The following DZIP1 variants were observed in gnomAD, a reference collection of about 807,000 sequenced individuals.
The protein encoded by DZIP1 is DAZ interacting zinc finger protein 1.
A neutral mutation model predicts 107.6 loss-of-function variants in DZIP1; 97 were observed. The observed-to-expected ratio is 0.90, with a 90% CI of 0.77 to 1.07. The LOEUF (loss-of-function observed/expected upper bound fraction) is 1.07, where lower values mean the gene tolerates loss of function less well. Among genes scored for constraint, DZIP1 ranks in the 50% least tolerant of loss-of-function variants. DZIP1 has a pLI of 0.00. For missense variants in DZIP1, 1,035 were observed against 1,063.6 expected (o/e 0.97, Z 0.37); for synonymous variants, 390 against 386.4 (o/e 1.01, Z -0.11).
chr13:95,642,276 G>A (rs1566443282), intron 3 of DZIP1, 35 bp from the exon 4 acceptor site: 1 of 461,604 alleles, frequency 2.2e-6, no homozygotes, highest in Non-Finnish European at 3.7e-6. Flanking sequence ...GGACGAGCCC[G>A]AGTGGACACA....
chr13:95,642,244 G>T lies in DZIP1; in HGVS notation c.-212-3C>A. On this transcript the variant is annotated splice_polypyrimidine_tract_variant and splice_region_variant and intron_variant, in intron 3 of 22. Coordinates refer to ENST00000376829, the MANE Select transcript of DZIP1 (RefSeq NM_198968.4). ...AGGGTCAGCGTGCACCCAGAACCCT[G>T]CGGGACCAGAGAAGACCTCTTGGAC... 1 of 546,820 alleles carries T rather than the reference G, an allele frequency of 1.8e-6. No individual in the cohort carries two copies. Among genetic ancestry groups the T allele is most frequent in the East Asian group, 3.5e-5 (1 of 28,404 alleles). The allele number at this position is 546,820 out of a possible 1,614,324, so 33.9% of individuals were successfully genotyped here.
chr13:95,601,429 C>CA (rs1361825965), intron 14 of DZIP1, among the ~76,000 whole-genome samples: 1 of 151,992 alleles, frequency 6.6e-6, no homozygotes, highest in Non-Finnish European at 1.5e-5. Flanking sequence ...GGGAGGCTTT[C>CA]AAAAAAATCC....
At chr13:95,639,366 G>A (rs1878204442) in intron 5 of DZIP1, among the ~76,000 whole-genome samples, 2 of 152,070 alleles carry the variant, frequency 1.3e-5, no homozygotes, top group Admixed American at 1.3e-4. Flanking sequence ...TGAGGTGGGT[G>A]GATCACTTGA....
At chr13:95,627,861 G>C (rs1876727565) in intron 7 of DZIP1, among the ~76,000 whole-genome samples, 1 of 152,090 alleles carries the variant, frequency 6.6e-6, no homozygotes, top group Non-Finnish European at 1.5e-5. Flanking sequence ...TTATTCATTA[G>C]AGCCAAAAGG....
intron 7 of DZIP1, among the ~76,000 whole-genome samples, 185 bp downstream of exon 7, chr13:95,629,803 TA>T (rs1313659811): frequency 1.3e-5 from 2 of 152,164 alleles, no homozygotes; most frequent in Non-Finnish European, 2.9e-5. Flanking sequence ...TTTCAAAAAA[TA>T]GAGAAATATA....
chr13:95,584,668 T>C (rs531756666), intron 22 of DZIP1, 68 bp downstream of exon 22: 292 of 1,534,318 alleles, frequency 1.9e-4, no homozygotes, highest in Non-Finnish European at 2.5e-4. Flanking sequence ...TAATTAGATA[T>C]TTATAAAGAT....
rs1223809252 is a variant in DZIP1, at chr13:95,580,336, C to CAAAAAAAAAAAAAAAAAAAAA, written c.*1897_*1898insTTTTTTTTTTTTTTTTTTTTT. 1 of 57,058 alleles carries CAAAAAAAAAAAAAAAAAAAAA rather than the reference C, an allele frequency of 1.8e-5. No individual in the cohort carries two copies. Among genetic ancestry groups the CAAAAAAAAAAAAAAAAAAAAA allele is most frequent in the Non-Finnish European group, 3.9e-5 (1 of 25,614 alleles). 3.5% of individuals were successfully genotyped at this position (57,058 alleles called of 1,614,324 possible). A position where few individuals can be genotyped will look rare whatever the true frequency, so the allele number is the denominator to read the frequency against. ...TGGGCAACATAGTGAGACTCTGTCT[C>CAAAAAAAAAAAAAAAAAAAAA]AAAAAAAAAAAAAAAAAAAGATACA... On this transcript the variant is annotated 3_prime_UTR_variant, in exon 23 of 23. Coordinates refer to ENST00000376829, the MANE Select transcript of DZIP1 (RefSeq NM_198968.4).
rs778683453 is a variant in DZIP1 at position 95,580,719 on chromosome 13, A to T, written c.*1515T>A. Reference sequence around the variant, plus strand: ...TGCTGAATAAATAAATGAATGAACAAAGTGGCACATGGGCCATCTTAGGCT... The same window carrying T: ...TGCTGAATAAATAAATGAATGAACATAGTGGCACATGGGCCATCTTAGGCT... On this transcript the variant is annotated 3_prime_UTR_variant, in exon 23 of 23. Transcript: ENST00000376829. 6.6e-6 allele frequency: 1 copy of T among 152,228 alleles called. No individual in the cohort carries two copies. The highest frequency in any genetic ancestry group is 6.5e-5 in the Admixed American group (1 of 15,288). 9.4% of individuals were successfully genotyped at this position (152,228 alleles called of 1,614,324 possible).
In DZIP1 at chr13:95,593,935, T is replaced by C. The variant is rs1379127943; in HGVS notation, c.1680+9A>G. Reference sequence around the variant, plus strand: ...AACTAACAAATATTCCAAAAATGAATGAACATACTGCATTAATCCCCAAGG... The same window carrying C: ...AACTAACAAATATTCCAAAAATGAACGAACATACTGCATTAATCCCCAAGG... On this transcript the variant is annotated intron_variant, in intron 16 of 22. Coordinates refer to ENST00000376829, the MANE Select transcript of DZIP1 (RefSeq NM_198968.4). The C allele has an allele frequency of 3.8e-6, 6 of 1,584,732 alleles. No individual in the cohort carries two copies. In the South Asian group the frequency reaches 5.9e-5, roughly 16 times the overall value.
Position 95,578,691 on chromosome 13 carries a change from CAG to C in DZIP1, c.*3541_*3542del, listed in dbSNP as rs1313113799. 6.6e-6 allele frequency: 1 copy of C among 152,192 alleles called. No individual in the cohort carries two copies. The highest frequency in any genetic ancestry group is 1.5e-5 in the Non-Finnish European group (1 of 68,046). The allele number at this position is 152,192 out of a possible 1,614,324, so 9.4% of individuals were successfully genotyped here. On this transcript the variant is annotated 3_prime_UTR_variant, in exon 23 of 23. Coordinates refer to ENST00000376829, the MANE Select transcript of DZIP1 (RefSeq NM_198968.4). ...GCCACACCATTCTCTTTGATGTATG[CAG>C]AGAGTTACGTAGCAGGGGATGTTCT...
chr13:95,642,113 G>T lies in DZIP1; in HGVS notation c.-84C>A. ...AGCCCTCAGGAGCGGGAGAAGGCCG[G>T]GTTCCTCGCTTCCGCGGCGGCGGCG... On this transcript the variant is annotated 5_prime_UTR_variant, in exon 4 of 23. Transcript: ENST00000376829. 1 of 1,417,826 alleles carries T rather than the reference G, an allele frequency of 7.1e-7. No homozygotes were observed. Among genetic ancestry groups the T allele is most frequent in the Non-Finnish European group, 9.2e-7 (1 of 1,090,130 alleles). The allele number at this position is 1,417,826 out of a possible 1,614,324, so 87.8% of individuals were successfully genotyped here. A position where few individuals can be genotyped will look rare whatever the true frequency, so the allele number is the denominator to read the frequency against.
chr13:95,642,473 T>G (rs1454379783), intron 3 of DZIP1, among the ~76,000 whole-genome samples: 1 of 152,112 alleles, frequency 6.6e-6, no homozygotes, highest in Non-Finnish European at 1.5e-5. Flanking sequence ...GGCTTTGAAA[T>G]TAGAAATATC....
At chr13:95,591,227 C>T (rs961977036) in intron 16 of DZIP1, among the ~76,000 whole-genome samples, 6 of 151,922 alleles carry the variant, frequency 3.9e-5, no homozygotes, top group African/African-American at 1.5e-4. Context: ...TGGGGTTTCA[C>T]CGTGTTGGCC....
intron 5 of DZIP1, among the ~76,000 whole-genome samples, chr13:95,639,802 C>T (rs995003063): frequency 7.9e-5 from 12 of 151,856 alleles, no homozygotes; most frequent in Admixed American, 1.3e-4. Flanking sequence ...CCATTATATT[C>T]GTTGCACAAG....
At chr13:95,632,787 C>G (rs1293742471) in intron 6 of DZIP1, among the ~76,000 whole-genome samples, 2 of 152,138 alleles carry the variant, frequency 1.3e-5, no homozygotes, top group African/African-American at 4.8e-5. Flanking sequence ...TTCTGTTCCT[C>G]AAACACATCA....
At chr13:95,613,563 C>G (rs2045084889) in intron 10 of DZIP1, among the ~76,000 whole-genome samples, 1 of 151,778 alleles carries the variant, frequency 6.6e-6, no homozygotes, top group Non-Finnish European at 1.5e-5. Context: ...AAGTCTATGT[C>G]CTGGAAGTGG....
chr13:95,639,549 C>G (rs1423840410), intron 5 of DZIP1, among the ~76,000 whole-genome samples: 1 of 150,532 alleles, frequency 6.6e-6, no homozygotes, highest in Non-Finnish European at 1.5e-5. Context: ...CAAGACCGCA[C>G]CCCTGCACGC....
At chr13:95,606,287 G>C (rs1467135378) in intron 13 of DZIP1, among the ~76,000 whole-genome samples, 2 of 152,128 alleles carry the variant, frequency 1.3e-5, no homozygotes. Flanking sequence ...TGGGTTTTTA[G>C]CATATTCACA....
chr13:95,579,422 C>G lies in DZIP1; in HGVS notation c.*2812G>C, dbSNP rs957389123. The G allele has an allele frequency of 1.3e-5, 2 of 152,166 alleles. No individual in the cohort carries two copies. The highest frequency in any genetic ancestry group is 2.4e-5 in the African/African-American group (1 of 41,440). The allele number at this position is 152,166 out of a possible 1,614,324, so 9.4% of individuals were successfully genotyped here. A position where few individuals can be genotyped will look rare whatever the true frequency, so the allele number is the denominator to read the frequency against. Reference sequence around the variant, plus strand: ...TGTCTCACTCACTCCTCACAGCCATCCTAGGAGATACATATTGTTTTCATC... The same window carrying G: ...TGTCTCACTCACTCCTCACAGCCATGCTAGGAGATACATATTGTTTTCATC... On this transcript the variant is annotated 3_prime_UTR_variant, in exon 23 of 23. Coordinates refer to ENST00000376829, the MANE Select transcript of DZIP1 (RefSeq NM_198968.4).
Sources: allele counts gnomAD v4.1 joint callset (sites outside exome capture counted in the v4.1 genomes callset), GRCh38; gene constraint gnomAD v4.1.1; transcripts MANE v1.5; gene names NCBI Gene and HGNC (gene_info 2026-07-23, HGNC 2026-07-21).